LINGO2: variants seen among roughly 807,000 people sequenced by gnomAD.
LINGO2 encodes the protein leucine rich repeat and Ig domain containing 2, also known as leucine-rich repeat and immunoglobulin-like domain-containing nogo receptor-interacting protein 2.
In LINGO2, 14 loss-of-function variants were observed where a neutral mutation model predicts 30.6. The ratio of observed to expected loss-of-function variants is 0.46; its 90% CI spans 0.30 to 0.72. LINGO2 has a LOEUF of 0.72. Ranked by LOEUF, LINGO2 falls within the 30% of genes least tolerant of loss-of-function variation. LINGO2 has a pLI of 0.07. For missense variants in LINGO2, 729 were observed against 751.7 expected (o/e 0.97, Z 0.35); for synonymous variants, 317 against 288.5 (o/e 1.10, Z -1.00).
the LINGO2 span, among the ~76,000 whole-genome samples, chr9:29,030,028 T>A: frequency 6.6e-6 from 1 of 152,046 alleles, no homozygotes; most frequent in Admixed American, 6.6e-5. Flanking sequence ...TAGCTGGTGT[T>A]AGAAGAAAAA....
intron 4 of LINGO2, among the ~76,000 whole-genome samples, chr9:28,102,116 C>T (rs1160709803): frequency 6.6e-6 from 1 of 151,842 alleles, no homozygotes; most frequent in Non-Finnish European, 1.5e-5. Context: ...CTGTTTTGGT[C>T]TGTCCCAGGG....
intron 1 of LINGO2, among the ~76,000 whole-genome samples, chr9:28,538,064 CTTAGAA>C (rs1821511639): frequency 6.6e-6 from 1 of 151,916 alleles, no homozygotes; most frequent in African/African-American, 2.4e-5. Flanking sequence ...TATCTGTCAA[CTTAGAA>C]TTGTATACCT....
Position 28,195,385 on chromosome 9 carries a change from A to T in LINGO2, c.-87+99823T>A, listed in dbSNP as rs1034090221. ...GTTGCCTTTAAATAACAAGATGGTG[A>T]GCGACAAAAAGCGAAATAGAAAAAT... On this transcript the variant is annotated intron_variant, in intron 4 of 5. Transcript: ENST00000379992. Among the ~76,000 whole-genome samples the T allele has an allele frequency of 2.2e-4, 33 of 151,382 alleles. 1 individual carries two copies. The highest frequency in any genetic ancestry group is 9.2e-4 in the Admixed American group (14 of 15,186).
chr9:29,081,152 A>C, the LINGO2 span, among the ~76,000 whole-genome samples: 4 of 152,270 alleles, frequency 2.6e-5, no homozygotes, highest in Non-Finnish European at 2.9e-5. Context: ...AATATCCCTG[A>C]TGAACATCGA....
At chr9:28,746,500 G>A in the LINGO2 span, among the ~76,000 whole-genome samples, 11 of 151,984 alleles carry the variant, frequency 7.2e-5, no homozygotes, top group Admixed American at 2.6e-4. Context: ...TTAAGATTAC[G>A]TGAAGAATAT....
At chr9:29,113,388 T>C in the LINGO2 span, among the ~76,000 whole-genome samples, 5 of 152,160 alleles carry the variant, frequency 3.3e-5, no homozygotes, top group African/African-American at 1.2e-4. Flanking sequence ...AGTTTACATA[T>C]AGATAACTGA....
At chr9:28,232,799 C>T (rs1587283368) in intron 4 of LINGO2, among the ~76,000 whole-genome samples, 1 of 151,650 alleles carries the variant, frequency 6.6e-6, no homozygotes, top group East Asian at 1.9e-4. Flanking sequence ...CACCATTATA[C>T]TCTTTGCTTC....
At chr9:28,724,646 T>C in the LINGO2 span, among the ~76,000 whole-genome samples, 1 of 152,094 alleles carries the variant, frequency 6.6e-6, no homozygotes, top group Non-Finnish European at 1.5e-5. Context: ...AATAACTGTA[T>C]CCACCTCAGA....
At chr9:28,257,213 G>A (rs1279731913) in intron 4 of LINGO2, among the ~76,000 whole-genome samples, 1 of 151,678 alleles carries the variant, frequency 6.6e-6, no homozygotes, top group Non-Finnish European at 1.5e-5. Context: ...GATTTTAAAT[G>A]TCCAAATAGC....
intron 1 of LINGO2, among the ~76,000 whole-genome samples, chr9:28,576,708 T>A (rs947388536): frequency 2.6e-5 from 4 of 152,070 alleles, no homozygotes; most frequent in Non-Finnish European, 5.9e-5. Flanking sequence ...TAGTAGATAT[T>A]GCTATTTTTT....
chr9:28,371,176 G>A (rs1820880676), intron 3 of LINGO2, among the ~76,000 whole-genome samples: 1 of 152,172 alleles, frequency 6.6e-6, no homozygotes, highest in Non-Finnish European at 1.5e-5. Context: ...TAAGGACATT[G>A]CAGATAATTA....
chr9:28,879,758 T>A, the LINGO2 span, among the ~76,000 whole-genome samples: 1,284 of 152,212 alleles, frequency 8.4e-3, 7 homozygotes, highest in Middle Eastern at 0.017. Context: ...TGTGAGTAGA[T>A]CTGGGTAAAA....
intron 1 of LINGO2, among the ~76,000 whole-genome samples, chr9:28,570,238 G>A (rs1563832691): frequency 6.6e-6 from 1 of 151,832 alleles, no homozygotes; most frequent in Non-Finnish European, 1.5e-5. Context: ...TCTCATAACT[G>A]AACAAACAGG....
the LINGO2 span, among the ~76,000 whole-genome samples, chr9:28,734,094 T>G: frequency 1.3e-5 from 2 of 152,132 alleles, no homozygotes; most frequent in Non-Finnish European, 2.9e-5. Flanking sequence ...ATACCTATAA[T>G]AAATTTAATG....
intron 1 of LINGO2, among the ~76,000 whole-genome samples, chr9:28,552,312 T>C (rs955247854): frequency 6.6e-6 from 1 of 151,984 alleles, no homozygotes; most frequent in Admixed American, 6.6e-5. Context: ...GTTTACCAGC[T>C]AAAACATCTT....
At chr9:28,992,304 A>G in the LINGO2 span, among the ~76,000 whole-genome samples, 1 of 152,182 alleles carries the variant, frequency 6.6e-6, no homozygotes, top group African/African-American at 2.4e-5. Context: ...TCAATACAAC[A>G]AGAAGAGCTA....
chr9:28,299,323 A>G (rs181173269), intron 3 of LINGO2, among the ~76,000 whole-genome samples: 1 of 152,320 alleles, frequency 6.6e-6, no homozygotes, highest in Admixed American at 6.5e-5. Context: ...AAAAACAGAG[A>G]GATTATAAAT....
At chr9:28,127,278 G>A (rs1229029312) in intron 4 of LINGO2, among the ~76,000 whole-genome samples, 1 of 152,080 alleles carries the variant, frequency 6.6e-6, no homozygotes, top group Non-Finnish European at 1.5e-5. Context: ...TTATGCCTTC[G>A]GGGCCTTGGA....
chr9:28,791,175 G>C, the LINGO2 span, among the ~76,000 whole-genome samples: 1 of 152,138 alleles, frequency 6.6e-6, no homozygotes, highest in South Asian at 2.1e-4. Context: ...TAGAGAAAGT[G>C]GGCGAGAGTA....
Sources: gnomAD v4.1 joint callset for allele counts (sites outside exome capture counted in the v4.1 genomes callset) on GRCh38, gnomAD v4.1.1 for gene constraint, MANE v1.5 for transcripts, NCBI Gene and HGNC (gene_info 2026-07-23, HGNC 2026-07-21) for gene names.